CHN2: variants seen among roughly 807,000 people sequenced by gnomAD.
CHN2 encodes chimerin 2.
In CHN2, 35 loss-of-function variants were observed where a neutral mutation model predicts 56.3. The ratio of observed to expected loss-of-function variants is 0.62; its 90% CI spans 0.47 to 0.82. The LOEUF (loss-of-function observed/expected upper bound fraction) is 0.82, where lower values mean the gene tolerates loss of function less well. CHN2 is among the 40% of genes least tolerant of loss of function. The probability of loss-of-function intolerance (pLI) is 0.00; values close to 1 mark genes in which losing one functional copy is unlikely to be tolerated. For synonymous variants in CHN2, 210 were observed against 212.8 expected (o/e 0.99, Z 0.12); for missense variants, 491 against 580.5 (o/e 0.85, Z 1.58).
chr7:29,276,826 G>A (rs1337572864), intron 1 of CHN2, among the ~76,000 whole-genome samples: 1 of 152,146 alleles, frequency 6.6e-6, no homozygotes, highest in Non-Finnish European at 1.5e-5. Context: ...CACAGGTAGA[G>A]GACTGGTATG....
chr7:29,154,850 A>G (rs1794114740), intron 2 of CHN2, among the ~76,000 whole-genome samples: 1 of 152,162 alleles, frequency 6.6e-6, no homozygotes, highest in African/African-American at 2.4e-5. Flanking sequence ...CCATTTTCAC[A>G]CTGCTGATAA....
chr7:29,191,152 A>G (rs1291518593), upstream of CHN2, among the ~76,000 whole-genome samples: 1 of 152,154 alleles, frequency 6.6e-6, no homozygotes, highest in Non-Finnish European at 1.5e-5. Flanking sequence ...GGATGGTCTC[A>G]AACTCCTGGC....
intron 1 of CHN2, among the ~76,000 whole-genome samples, chr7:29,234,069 G>A (rs976568781): frequency 2.6e-5 from 4 of 151,104 alleles, no homozygotes; most frequent in Non-Finnish European, 5.9e-5. Flanking sequence ...TCCTGACCTC[G>A]TGATCCGCCC....
chr7:29,252,223 C>CTGT (rs1788610854), intron 1 of CHN2, among the ~76,000 whole-genome samples: 1 of 125,174 alleles, frequency 8.0e-6, no homozygotes, highest in African/African-American at 3.1e-5. Context: ...CAGTCTTGCT[C>CTGT]TGTTGCCCAG....
At chr7:29,243,015 A>G (rs1787808443) in intron 1 of CHN2, among the ~76,000 whole-genome samples, 1 of 152,106 alleles carries the variant, frequency 6.6e-6, no homozygotes, top group Non-Finnish European at 1.5e-5. Context: ...ATACAAATAA[A>G]TATCACTGAG....
At chr7:29,361,016 C>G (rs910419129) in intron 2 of CHN2, among the ~76,000 whole-genome samples, 12 of 152,230 alleles carry the variant, frequency 7.9e-5, no homozygotes, top group Admixed American at 6.5e-4. Flanking sequence ...ACAGCTTACT[C>G]TGGTGCTAAG....
At chr7:29,277,617 A>G (rs1791341323) in intron 1 of CHN2, among the ~76,000 whole-genome samples, 1 of 152,222 alleles carries the variant, frequency 6.6e-6, no homozygotes, top group Admixed American at 6.5e-5. Context: ...AGAGTTTAGC[A>G]GTGGAGTGTC....
chr7:29,502,190 C>T (rs1790043052), intron 9 of CHN2, among the ~76,000 whole-genome samples: 1 of 152,162 alleles, frequency 6.6e-6, no homozygotes, highest in African/African-American at 2.4e-5. Flanking sequence ...AGTAACAGTG[C>T]CTTTGACAAG....
At chr7:29,504,958 C>T in intron 10 of CHN2, 137 bp downstream of exon 10, 1 of 613,368 alleles carries the variant, frequency 1.6e-6, no homozygotes, top group East Asian at 2.7e-5. Context: ...TAATGGCTTA[C>T]AAATCTCATG....
intron 7 of CHN2, among the ~76,000 whole-genome samples, chr7:29,488,927 A>T (rs1241710171): frequency 1.3e-5 from 2 of 152,234 alleles, no homozygotes; most frequent in Non-Finnish European, 2.9e-5. Flanking sequence ...TCTCAACTGC[A>T]GCATGTCATA....
At chr7:29,263,820 T>TCCC in intron 1 of CHN2, among the ~76,000 whole-genome samples, 1 of 126,194 alleles carries the variant, frequency 7.9e-6, no homozygotes, top group African/African-American at 3.1e-5. Context: ...GTGAGGGGCG[T>TCCC]CTCTGACCGG....
chr7:29,477,364 C>T (rs1786689104), intron 6 of CHN2, among the ~76,000 whole-genome samples: 1 of 152,188 alleles, frequency 6.6e-6, no homozygotes, highest in Non-Finnish European at 1.5e-5. Context: ...CATACAAGCA[C>T]AGACATGAAA....
At chr7:29,361,733 G>A (rs915114220) in intron 2 of CHN2, among the ~76,000 whole-genome samples, 3 of 152,210 alleles carry the variant, frequency 2.0e-5, no homozygotes, top group Non-Finnish European at 4.4e-5. Flanking sequence ...GAGAGGAACT[G>A]TCCAGAAATG....
chr7:29,354,198 C>T (rs1201897246), intron 1 of CHN2, among the ~76,000 whole-genome samples: 1 of 152,202 alleles, frequency 6.6e-6, no homozygotes, highest in Non-Finnish European at 1.5e-5. Flanking sequence ...AGATTTAATA[C>T]TACATACTTG....
At chr7:29,257,766 A>G (rs1415444323) in intron 1 of CHN2, among the ~76,000 whole-genome samples, 1 of 151,708 alleles carries the variant, frequency 6.6e-6, no homozygotes, top group Non-Finnish European at 1.5e-5. Flanking sequence ...CATTCTGTAC[A>G]CTCAAGTATG....
chr7:29,314,808 C>T (rs1375787779), intron 1 of CHN2, among the ~76,000 whole-genome samples: 3 of 151,894 alleles, frequency 2.0e-5, no homozygotes, highest in African/African-American at 7.2e-5. Context: ...TGAGCCTTTA[C>T]TGCTGTTTAT....
Position 29,171,719 on chromosome 7 carries a change from A to C in CHN2, c.274+24759A>C, listed in dbSNP as rs527961620. 1.8e-4 allele frequency among the ~76,000 whole-genome samples: 27 copies of C among 152,332 alleles called. 1 individual carries two copies. Among genetic ancestry groups the C allele is most frequent in the Admixed American group, 7.2e-4 (11 of 15,310 alleles). On this transcript the variant is annotated intron_variant, in intron 2 of 6. Coordinates refer to the CHN2 transcript ENST00000439384. Reference sequence around the variant, plus strand: ...TCCAAGCATATGACATAATTTAGAAATCTACCAGTGTGTCTCCAGAGAATG... The same window carrying C: ...TCCAAGCATATGACATAATTTAGAACTCTACCAGTGTGTCTCCAGAGAATG...
chr7:29,450,919 C>T, intron 6 of CHN2, among the ~76,000 whole-genome samples: 1 of 151,986 alleles, frequency 6.6e-6, no homozygotes, highest in Admixed American at 6.6e-5. Flanking sequence ...TACAGGCCCC[C>T]ACCATCACGC....
At chr7:29,277,638 C>T (rs1388399161) in intron 1 of CHN2, among the ~76,000 whole-genome samples, 1 of 152,162 alleles carries the variant, frequency 6.6e-6, no homozygotes, top group Non-Finnish European at 1.5e-5. Context: ...TTTGAGCTGT[C>T]CTGAACCATA....
Sources: gnomAD v4.1 joint callset for allele counts (sites outside exome capture counted in the v4.1 genomes callset) on GRCh38, gnomAD v4.1.1 for gene constraint, MANE v1.5 for transcripts, NCBI Gene and HGNC (gene_info 2026-07-23, HGNC 2026-07-21) for gene names.